RORA: variants seen among roughly 807,000 people sequenced by gnomAD.
RORA encodes the protein nuclear receptor ROR-alpha.
RORA carries 7 observed loss-of-function variants against 69.5 expected under a neutral mutation model. That is an observed-to-expected ratio of 0.10 (90% CI 0.06 to 0.19). The LOEUF (loss-of-function observed/expected upper bound fraction) is 0.19. RORA is among the 10% of genes least tolerant of loss of function. RORA has a pLI of 1.00. For synonymous variants in RORA, 261 were observed against 240.8 expected, an observed-to-expected ratio of 1.08 and a Z score of -0.78; for missense variants, 457 against 663.0, an observed-to-expected ratio of 0.69 and a Z score of 3.41.
At chr15:61,118,311 A>G (rs1409138254) in intron 1 of RORA, among the ~76,000 whole-genome samples, 1 of 152,172 alleles carries the variant, frequency 6.6e-6, no homozygotes, top group Non-Finnish European at 1.5e-5. Flanking sequence ...AGGCTCTCGT[A>G]AGATAAAGCC....
chr15:60,582,006 A>C (rs2068208561), intron 2 of RORA, among the ~76,000 whole-genome samples: 1 of 152,166 alleles, frequency 6.6e-6, no homozygotes, highest in African/African-American at 2.4e-5. Context: ...GTGGTACGCA[A>C]TGGTTAAGGC....
At chr15:60,916,299 C>T (rs4775315) in intron 1 of RORA, among the ~76,000 whole-genome samples, 148,501 of 152,336 alleles carry the variant, frequency 0.97, 72,453 homozygotes, top group Non-Finnish European at 0.99. Flanking sequence ...CCAGGGATTG[C>T]ACAGGTGGCA....
At chr15:60,716,174 A>G (rs2071216476) in intron 1 of RORA, among the ~76,000 whole-genome samples, 1 of 152,176 alleles carries the variant, frequency 6.6e-6, no homozygotes, top group Non-Finnish European at 1.5e-5. Flanking sequence ...CAGCCCATGG[A>G]CTAAACTTTG....
intron 2 of RORA, among the ~76,000 whole-genome samples, chr15:60,606,241 T>G: frequency 6.6e-6 from 1 of 152,186 alleles, no homozygotes; most frequent in East Asian, 1.9e-4. Flanking sequence ...GTATCCCTGG[T>G]GGGGCCCAGC....
intron 1 of RORA, among the ~76,000 whole-genome samples, chr15:61,205,654 G>A (rs1281347973): frequency 6.6e-6 from 1 of 152,166 alleles, no homozygotes; most frequent in Non-Finnish European, 1.5e-5. Context: ...GAAGGAGCTG[G>A]CACAGGAACA....
chr15:60,544,452 G>A (rs1400170100), intron 2 of RORA, among the ~76,000 whole-genome samples: 1 of 152,004 alleles, frequency 6.6e-6, no homozygotes, highest in Non-Finnish European at 1.5e-5. Context: ...TTTATACACC[G>A]AACCCCTCGT....
chr15:61,056,217 C>G (rs1017233567), intron 1 of RORA, among the ~76,000 whole-genome samples: 1 of 152,162 alleles, frequency 6.6e-6, no homozygotes, highest in Non-Finnish European at 1.5e-5. Context: ...TTTGCTGGCT[C>G]CGACAGTAAG....
At chr15:60,731,373 C>A (rs2071426641) in intron 1 of RORA, among the ~76,000 whole-genome samples, 1 of 152,138 alleles carries the variant, frequency 6.6e-6, no homozygotes, top group Non-Finnish European at 1.5e-5. Flanking sequence ...GGATGCTTTC[C>A]TTTCCAGAAA....
chr15:60,767,207 G>A (rs995044074), intron 1 of RORA, among the ~76,000 whole-genome samples: 21 of 152,268 alleles, frequency 1.4e-4, no homozygotes, highest in Admixed American at 1.2e-3. Context: ...TCTAGACTGA[G>A]GTGGTGGAAC....
chr15:60,777,555 A>G (rs1264055921), intron 1 of RORA, among the ~76,000 whole-genome samples: 1 of 152,180 alleles, frequency 6.6e-6, no homozygotes, highest in Non-Finnish European at 1.5e-5. Context: ...ATAGCCTACT[A>G]CCTAAATGTG....
At chr15:60,733,978 A>ATGAG (rs1239461463) in intron 1 of RORA, among the ~76,000 whole-genome samples, 1 of 147,562 alleles carries the variant, frequency 6.8e-6, no homozygotes, top group Non-Finnish European at 1.5e-5. Context: ...TGAGATGGGA[A>ATGAG]TGAGGAAAGG....
At chr15:60,864,903 C>T (rs1020201134) in intron 1 of RORA, among the ~76,000 whole-genome samples, 5 of 152,158 alleles carry the variant, frequency 3.3e-5, no homozygotes, top group Non-Finnish European at 7.4e-5. Context: ...AACACTACCA[C>T]TGGGATTTGT....
At position 60,607,468 on chromosome 15, in the gene RORA, C is replaced by T. The variant is rs1281003472; in HGVS notation, c.196+71189G>A. ...CCTTGAATGTGACATGGTATACATA[C>T]CTAAAATAATAACCCTAACTATTTA... On this transcript the variant is annotated intron_variant, in intron 2 of 10. Coordinates refer to ENST00000335670, the MANE Select transcript of RORA (RefSeq NM_134261.3). 7.2e-5 allele frequency among the ~76,000 whole-genome samples: 11 copies of T among 152,210 alleles called. No individual in the cohort carries two copies. In the East Asian group the frequency reaches 7.7e-4, roughly 11 times the overall value.
chr15:60,946,413 G>A (rs1254439779), intron 1 of RORA, among the ~76,000 whole-genome samples: 1 of 152,166 alleles, frequency 6.6e-6, no homozygotes, highest in East Asian at 1.9e-4. Flanking sequence ...GATTGCAGGC[G>A]CGCGCCGCCA....
intron 4 of RORA, among the ~76,000 whole-genome samples, chr15:60,512,903 CTCACTTATTTTTCAGCTAGACTCAG>C (rs1435973875): frequency 1.1e-4 from 17 of 152,186 alleles, no homozygotes; most frequent in African/African-American, 3.4e-4. Flanking sequence ...CTTCCATGAA[CTCACTTATTTTTCAGCTAGACTCAG>C]TCTTTGCTGG....
rs1175241170 is a variant in RORA at position 60,592,549 on chromosome 15, C to G, written c.197-60698G>C. 16 of 1,274,386 alleles carry G rather than the reference C, an allele frequency of 1.3e-5. No homozygotes were observed. In the East Asian group the frequency reaches 5.3e-4, roughly 42 times the overall value. 78.9% of individuals were successfully genotyped at this position (1,274,386 alleles called of 1,614,324 possible). Reference sequence around the variant, plus strand: ...GCTGCCCGCCCGCCGAGAGCCATCCCGAGCCATAAGAGGCTCCATGTGACC... The same window carrying G: ...GCTGCCCGCCCGCCGAGAGCCATCCGGAGCCATAAGAGGCTCCATGTGACC... On this transcript the variant is annotated intron_variant, in intron 2 of 10. Transcript: ENST00000335670.
intron 1 of RORA, among the ~76,000 whole-genome samples, chr15:60,679,412 A>G (rs1596119324): frequency 6.6e-6 from 1 of 152,260 alleles, no homozygotes; most frequent in East Asian, 1.9e-4. Context: ...CATTTGGCAC[A>G]GAAGTCCTGA....
chr15:60,504,383 C>T (rs889001105), intron 6 of RORA, among the ~76,000 whole-genome samples: 4 of 151,962 alleles, frequency 2.6e-5, no homozygotes, highest in Non-Finnish European at 4.4e-5. Flanking sequence ...CCTGTTCCTA[C>T]CAAAAATACA....
chr15:60,919,771 T>A (rs10851687), intron 1 of RORA, among the ~76,000 whole-genome samples: 95,936 of 152,084 alleles, frequency 0.63, 30,814 homozygotes, highest in East Asian at 0.87. Context: ...GGAGTTTTCA[T>A]TACGGTTTTC....
Sources: allele counts gnomAD v4.1 joint callset (sites outside exome capture counted in the v4.1 genomes callset), GRCh38; gene constraint gnomAD v4.1.1; transcripts MANE v1.5; gene names NCBI Gene and HGNC (gene_info 2026-07-23, HGNC 2026-07-21).